SLC8A3: variants seen among roughly 807,000 people sequenced by gnomAD.
The protein encoded by SLC8A3 is sodium/calcium exchanger 3.
A neutral mutation model predicts 65.4 loss-of-function variants in SLC8A3; 37 were observed. That is an observed-to-expected ratio of 0.57 (90% CI 0.44 to 0.74). The LOEUF is 0.74. SLC8A3 is among the 30% of genes least tolerant of loss of function. The pLI is 0.00. For missense variants in SLC8A3, 1,112 were observed against 1,172.1 expected (o/e 0.95, Z 0.75); for synonymous variants, 461 against 444.5 (o/e 1.04, Z -0.47).
At chr14:70,117,111 G>T (rs78237844) in intron 2 of SLC8A3, among the ~76,000 whole-genome samples, 248 of 152,364 alleles carry the variant, frequency 1.6e-3, no homozygotes, top group African/African-American at 5.8e-3. Context: ...ACTAAGGTGT[G>T]CAGCCCAGAT....
chr14:70,157,848 C>G (rs1186428124), intron 2 of SLC8A3, among the ~76,000 whole-genome samples: 12 of 152,192 alleles, frequency 7.9e-5, no homozygotes, highest in Non-Finnish European at 1.3e-4. Context: ...TGGGAGATAT[C>G]AGTCTTCCTG....
At chr14:70,075,420 G>T (rs1456202052) in intron 2 of SLC8A3, among the ~76,000 whole-genome samples, 1 of 152,212 alleles carries the variant, frequency 6.6e-6, no homozygotes, top group African/African-American at 2.4e-5. Flanking sequence ...GGGAGGAAAT[G>T]GGAGGAGGGT....
At chr14:70,084,841 A>G (rs1282459388) in intron 2 of SLC8A3, among the ~76,000 whole-genome samples, 3 of 152,150 alleles carry the variant, frequency 2.0e-5, no homozygotes, top group Non-Finnish European at 4.4e-5. Context: ...CTGTTTCCCA[A>G]ATGGTACTTG....
chr14:70,051,914 G>GAA (rs1417063990), intron 4 of SLC8A3, 76 bp downstream of exon 4: 2 of 1,339,320 alleles, frequency 1.5e-6, no homozygotes, highest in Admixed American at 2.0e-5. Flanking sequence ...AGTGAAAGTG[G>GAA]AAAAAAACAC....
chr14:70,168,512 G>C, intron 1 of SLC8A3, 28 bp from the exon 2 acceptor site: 1 of 1,070,156 alleles, frequency 9.3e-7, no homozygotes, highest in Non-Finnish European at 1.3e-6. Context: ...GGCAGGAAAA[G>C]GCATGAGGAA....
intron 2 of SLC8A3, among the ~76,000 whole-genome samples, chr14:70,144,207 T>A (rs1291876598): frequency 6.6e-6 from 1 of 151,156 alleles, no homozygotes; most frequent in East Asian, 1.9e-4. Context: ...ATCAGAAAAG[T>A]CTCCGTCTGT....
chr14:70,046,514 T>C lies in SLC8A3; in HGVS notation c.2390-191A>G. ...TGTGGCCCTGGGTAGGTCACATCCC[T>C]AGTCTGGGCTTCCCATTCCTCATCT... is the stretch of plus-strand genomic sequence containing the variant. On this transcript the variant is annotated intron_variant, in intron 6 of 6. Transcript: ENST00000356921. The surrounding 1 kb of genome is among the most constrained non-coding windows in gnomAD (Gnocchi z 4.2). 3 of 562,792 alleles carry C rather than the reference T, an allele frequency of 5.3e-6. No homozygotes were observed. The South Asian group carries it at 8.4e-5, about 16-fold the overall frequency. 34.9% of individuals were successfully genotyped at this position (562,792 alleles called of 1,614,324 possible). A position where few individuals can be genotyped will look rare whatever the true frequency, so the allele number is the denominator to read the frequency against.
Position 70,118,189 on chromosome 14 carries a change from A to G in SLC8A3, c.1784+48450T>C, listed in dbSNP as rs76449749. On this transcript the variant is annotated intron_variant, in intron 2 of 6. Transcript: ENST00000356921. ...ACCAACAAGACATCTGAATCCCTTT[A>G]TGTATCCTGCTCTTTAAGATGACAG... Among the ~76,000 whole-genome samples, 8 of 152,334 alleles carry G rather than the reference A, an allele frequency of 5.3e-5. No individual in the cohort carries two copies. In the East Asian group the frequency reaches 1.5e-3, roughly 29 times the overall value.
chr14:70,069,403 T>A (rs150948), intron 2 of SLC8A3, among the ~76,000 whole-genome samples: 2 of 152,128 alleles, frequency 1.3e-5, no homozygotes, highest in African/African-American at 4.8e-5. Flanking sequence ...CTCTTTACCC[T>A]GTCAAGAAGC....
rs571477142 is a variant in SLC8A3, at chr14:70,120,413, A to G, written c.1784+46226T>C. 2.0e-5 allele frequency among the ~76,000 whole-genome samples: 3 copies of G among 152,326 alleles called. No homozygotes were observed. The East Asian group carries it at 5.8e-4, about 29-fold the overall frequency. On this transcript the variant is annotated intron_variant, in intron 2 of 6. Transcript: ENST00000356921. The stretch of plus-strand genomic sequence containing the variant: ...GCATTTGCCCATCCTACTTACACTA[A>G]TCATCATACACAACCACTTACATTC...
intron 2 of SLC8A3, among the ~76,000 whole-genome samples, chr14:70,134,137 T>G (rs1461071384): frequency 2.0e-5 from 3 of 152,176 alleles, no homozygotes. Context: ...GCCAAGACAC[T>G]GCCTTTTCCT....
At chr14:70,093,131 C>G (rs1891917652) in intron 2 of SLC8A3, among the ~76,000 whole-genome samples, 1 of 152,206 alleles carries the variant, frequency 6.6e-6, no homozygotes, top group South Asian at 2.1e-4. Context: ...GAAGTATTAA[C>G]TCCACACATT....
At chr14:70,050,618 G>A (rs995921898) in intron 5 of SLC8A3, among the ~76,000 whole-genome samples, 2 of 152,198 alleles carry the variant, frequency 1.3e-5, no homozygotes, top group Non-Finnish European at 2.9e-5. Context: ...AATCAGAATT[G>A]TCCCACATTT....
At chr14:70,108,399 CAAAAAA>C (rs764907002) in intron 2 of SLC8A3, among the ~76,000 whole-genome samples, 2 of 92,064 alleles carry the variant, frequency 2.2e-5, no homozygotes, top group African/African-American at 3.7e-5. Flanking sequence ...GACTCCGTCT[CAAAAAA>C]AAAAAAAAAG....
chr14:70,187,955 G>T (rs1456160569), intron 1 of SLC8A3, among the ~76,000 whole-genome samples: 1 of 152,016 alleles, frequency 6.6e-6, no homozygotes, highest in Non-Finnish European at 1.5e-5. Context: ...AGCACAACAC[G>T]CCCTGGCCCA....
chr14:70,116,854 G>A (rs2140166794), intron 2 of SLC8A3, among the ~76,000 whole-genome samples: 1 of 152,294 alleles, frequency 6.6e-6, no homozygotes. Context: ...TTTTAGCAAT[G>A]GTACTGCTAT....
chr14:70,187,273 A>AAGAGAG (rs139513175), intron 1 of SLC8A3: 2 of 146,710 alleles, frequency 1.4e-5, no homozygotes, highest in African/African-American at 5.1e-5. Flanking sequence ...GAGAGAGAGA[A>AAGAGAG]AGAGAGAGAG....
chr14:70,075,183 A>C (rs1186890857), intron 2 of SLC8A3, among the ~76,000 whole-genome samples: 1 of 151,980 alleles, frequency 6.6e-6, no homozygotes, highest in African/African-American at 2.4e-5. Flanking sequence ...GTTTAATATA[A>C]CTAGGGCTTT....
chr14:70,081,885 T>G (rs150218640), intron 2 of SLC8A3, among the ~76,000 whole-genome samples: 14 of 152,336 alleles, frequency 9.2e-5, no homozygotes, highest in African/African-American at 3.1e-4. Flanking sequence ...AAGGTGCTGT[T>G]GAAGGGAGAA....
Sources: allele counts gnomAD v4.1 joint callset (sites outside exome capture counted in the v4.1 genomes callset), GRCh38; gene constraint gnomAD v4.1.1; non-coding constraint Gnocchi (gnomAD v3.1); transcripts MANE v1.5; gene names NCBI Gene and HGNC (gene_info 2026-07-23, HGNC 2026-07-21).